Variants in WDFY4 observed in about 807,000 individuals in gnomAD.
WDFY4 encodes WD repeat- and FYVE domain-containing protein 4.
Under a neutral mutation model 351.9 loss-of-function variants are expected in WDFY4, and 169 were observed. The observed-to-expected ratio is 0.48, with a 90% CI of 0.42 to 0.55. WDFY4 has a LOEUF of 0.55. WDFY4 is among the 20% of genes least tolerant of loss of function. The pLI is 0.00. For synonymous variants in WDFY4, 1,622 were observed against 1,574.6 expected (o/e 1.03, Z -0.71); for missense variants, 3,803 against 3,935.6 (o/e 0.97, Z 0.90).
In WDFY4 at chr10:48,796,358, A is replaced by G; in HGVS notation, c.4318A>G (p.Ile1440Val). 2 of 1,552,298 alleles carry G rather than the reference A, an allele frequency of 1.3e-6. No individual in the cohort carries two copies. Among genetic ancestry groups the G allele is most frequent in the Non-Finnish European group, 1.7e-6 (2 of 1,147,132 alleles). Residue 1440 changes from isoleucine (I) to valine (V), a missense_variant, in exon 24 of 62, where the codon ATC becomes GTC. Around this residue, in one of 3 missense-constraint regions of WDFY4, gnomAD observed 3,054 missense variants for 3,148.6 expected, o/e 0.97. Coordinates refer to ENST00000325239, the MANE Select transcript of WDFY4 (RefSeq NM_001394531.1). ...CCTGAACCATCGAATTTTTCAGCTGATCCTCTCAGTGGCTGGCACTGTGGA... is the reference window on the plus strand; with the variant it reads ...CCTGAACCATCGAATTTTTCAGCTGGTCCTCTCAGTGGCTGGCACTGTGGA... ...SLLNHRIFQL[I>V]LSVAGTVELG...
At chr10:48,883,485 G>A (rs2070336563) in intron 43 of WDFY4, among the ~76,000 whole-genome samples, 1 of 152,094 alleles carries the variant, frequency 6.6e-6, no homozygotes, top group Non-Finnish European at 1.5e-5. Flanking sequence ...TTGTAAGCTG[G>A]GACTTCCCGT....
intron 55 of WDFY4, chr10:48,968,640 A>T (rs1842194114): frequency 5.3e-6 from 1 of 186,934 alleles, no homozygotes; most frequent in Non-Finnish European, 1.1e-5. Context: ...GGGGACACAC[A>T]TTGAAAGGGG....
chr10:48,893,230 C>G (rs1836904305), intron 44 of WDFY4, among the ~76,000 whole-genome samples: 1 of 152,178 alleles, frequency 6.6e-6, no homozygotes, highest in Non-Finnish European at 1.5e-5. Context: ...TCTCCGTGTC[C>G]AAATTTTCCC....
chr10:48,702,779 T>A (rs747507843), intron 1 of WDFY4, among the ~76,000 whole-genome samples: 1 of 147,726 alleles, frequency 6.8e-6, no homozygotes, highest in Non-Finnish European at 1.5e-5. Flanking sequence ...CCTGGGGGTA[T>A]GTTTAACTTT....
intron 24 of WDFY4, 44 bp downstream of exon 24, chr10:48,796,494 T>C (rs550464588): frequency 6.5e-7 from 1 of 1,533,344 alleles, no homozygotes; most frequent in African/African-American, 1.4e-5. Context: ...GTGTGTGTGA[T>C]GGTAAATATG....
At chr10:48,779,452 T>G (rs572543627) in intron 18 of WDFY4, among the ~76,000 whole-genome samples, 64 of 152,306 alleles carry the variant, frequency 4.2e-4, no homozygotes, top group East Asian at 1.5e-3. Flanking sequence ...AGTGTCACTG[T>G]TTCATAGGGA....
chr10:48,849,595 G>T (rs1414466494), intron 39 of WDFY4, among the ~76,000 whole-genome samples: 1 of 152,202 alleles, frequency 6.6e-6, no homozygotes, highest in Non-Finnish European at 1.5e-5. Flanking sequence ...TCACAGTGGG[G>T]GTTAGGATGG....
intron 47 of WDFY4, chr10:48,909,570 T>C (rs1480686506): frequency 1.3e-5 from 2 of 152,094 alleles, no homozygotes; most frequent in Non-Finnish European, 2.9e-5. Flanking sequence ...CTTTGGGGTA[T>C]AGGTGCTTCC....
chr10:48,933,140 G>T (rs1188388448), intron 47 of WDFY4, among the ~76,000 whole-genome samples: 1 of 152,198 alleles, frequency 6.6e-6, no homozygotes, highest in Non-Finnish European at 1.5e-5. Context: ...TCCAGGCTCT[G>T]TGGTGGAAGC....
intron 47 of WDFY4, among the ~76,000 whole-genome samples, chr10:48,912,924 A>G (rs1838138055): frequency 6.6e-6 from 1 of 152,200 alleles, no homozygotes; most frequent in Non-Finnish European, 1.5e-5. Flanking sequence ...CCCAACACCA[A>G]GTGCTCATCT....
chr10:48,774,359 T>A, intron 13 of WDFY4, 99 bp from the exon 14 acceptor site: 1 of 1,279,704 alleles, frequency 7.8e-7, no homozygotes, highest in Non-Finnish European at 1.1e-6. Flanking sequence ...CGCAGTCTCC[T>A]TGTTCCACAA....
intron 24 of WDFY4, among the ~76,000 whole-genome samples, chr10:48,797,015 T>C (rs1589633482): frequency 6.6e-6 from 1 of 152,124 alleles, no homozygotes; most frequent in Non-Finnish European, 1.5e-5. Context: ...AACCCAGCCC[T>C]TCCCCACAGC....
intron 47 of WDFY4, chr10:48,910,062 G>A: frequency 1.6e-6 from 1 of 626,832 alleles, no homozygotes; most frequent in South Asian, 2.0e-5. Context: ...GTGGGCTAAA[G>A]CTAAGGGAGG....
At chr10:48,691,192 T>A (rs1198007793) in intron 1 of WDFY4, among the ~76,000 whole-genome samples, 1 of 151,786 alleles carries the variant, frequency 6.6e-6, no homozygotes, top group Non-Finnish European at 1.5e-5. Flanking sequence ...CAGGACCCAC[T>A]GGGGCAGAGC....
chr10:48,728,969 G>T (rs1029559578), intron 7 of WDFY4, among the ~76,000 whole-genome samples: 58 of 152,202 alleles, frequency 3.8e-4, no homozygotes, highest in African/African-American at 1.3e-3. Context: ...GACTTGAGAT[G>T]CCCTTCTCCA....
chr10:48,878,792 CG>C (rs2070131655), intron 43 of WDFY4: 1 of 152,594 alleles, frequency 6.6e-6, no homozygotes, highest in African/African-American at 2.4e-5. Context: ...GTGACCTCAG[CG>C]CTTCACCTGT....
In WDFY4 at chr10:48,790,727, G is replaced by C. The variant is rs1486470863; in HGVS notation, c.4067G>C (p.Gly1356Ala). Reference sequence around the variant, plus strand: ...GAAATGCCCACTTTATGCCACACAGGGGTGAGGGTATTCCACTCCAGCCCT... The same window carrying C: ...GAAATGCCCACTTTATGCCACACAGCGGTGAGGGTATTCCACTCCAGCCCT... The part of the protein sequence containing the change: ...TIGAVAVGQL[G>A]VRVFHSSPAA... Residue 1356 changes from glycine to alanine, a missense_variant and splice_region_variant, in exon 23 of 62, where the codon GGG becomes GCG. Around this residue, in one of 3 missense-constraint regions of WDFY4, gnomAD observed 3,054 missense variants for 3,148.6 expected, o/e 0.97. Transcript: ENST00000325239. 2.6e-6 allele frequency: 4 copies of C among 1,551,634 alleles called. No homozygotes were observed. In the South Asian group the frequency reaches 4.8e-5, roughly 18 times the overall value.
chr10:48,801,469 A>C (rs552466772), intron 24 of WDFY4: 1 of 455,148 alleles, frequency 2.2e-6, no homozygotes, highest in African/African-American at 2.0e-5. Flanking sequence ...TCATGAATCA[A>C]TATCCTAAGT....
At chr10:48,786,394 T>G (rs1346944071) in intron 19 of WDFY4, among the ~76,000 whole-genome samples, 1 of 152,244 alleles carries the variant, frequency 6.6e-6, no homozygotes, top group Non-Finnish European at 1.5e-5. Context: ...AGGTGTACAC[T>G]TTTTTGTTTC....
Sources: allele counts gnomAD v4.1 joint callset (sites outside exome capture counted in the v4.1 genomes callset), GRCh38; gene constraint gnomAD v4.1.1; regional missense constraint gnomAD v4.1.1; transcripts MANE v1.5; gene names NCBI Gene and HGNC (gene_info 2026-07-23, HGNC 2026-07-21).